The following KCTD8 variants were observed in gnomAD, a reference collection of about 807,000 sequenced individuals.
KCTD8 encodes the protein BTB/POZ domain-containing protein KCTD8.
In KCTD8, 27 loss-of-function variants were observed where a neutral mutation model predicts 31.5. The ratio of observed to expected loss-of-function variants is 0.86; its 90% CI spans 0.63 to 1.18. The LOEUF (loss-of-function observed/expected upper bound fraction) is 1.18, where lower values mean the gene tolerates loss of function less well. Ranked by LOEUF, KCTD8 falls within the 50% of genes most tolerant of loss-of-function variation. The pLI is 0.00. For missense variants in KCTD8, 658 were observed against 647.7 expected, an observed-to-expected ratio of 1.02 and a Z score of -0.17; for synonymous variants, 290 against 280.0, an observed-to-expected ratio of 1.04 and a Z score of -0.36.
At chr4:44,272,928 T>C (rs1301927544) in intron 1 of KCTD8, among the ~76,000 whole-genome samples, 2 of 152,006 alleles carry the variant, frequency 1.3e-5, no homozygotes, top group African/African-American at 4.8e-5. Flanking sequence ...TTGTTGATAG[T>C]TCCAAAAAGA....
chr4:44,231,746 A>C (rs1055562229), intron 1 of KCTD8, among the ~76,000 whole-genome samples: 6 of 152,072 alleles, frequency 3.9e-5, no homozygotes, highest in Admixed American at 3.9e-4. Flanking sequence ...CCTATGAAGA[A>C]ATTTTTCTGG....
chr4:44,401,011 CTTTTTTTTTT>C (rs59602420), intron 1 of KCTD8, among the ~76,000 whole-genome samples: 1 of 95,916 alleles, frequency 1.0e-5, no homozygotes, highest in Non-Finnish European at 2.0e-5. Flanking sequence ...AATTTTCTTT[CTTTTTTTTTT>C]TTTTTTTTTT....
At chr4:44,227,910 T>C (rs1715010837) in intron 1 of KCTD8, among the ~76,000 whole-genome samples, 1 of 152,238 alleles carries the variant, frequency 6.6e-6, no homozygotes, top group South Asian at 2.1e-4. Flanking sequence ...TTCATACTCC[T>C]GTCATTCTTG....
chr4:44,323,031 T>G (rs1212514740), intron 1 of KCTD8, among the ~76,000 whole-genome samples: 1 of 152,038 alleles, frequency 6.6e-6, no homozygotes, highest in African/African-American at 2.4e-5. Context: ...TACCTCCAGC[T>G]TCGTTCTTTT....
At chr4:44,366,306 G>C (rs1719634928) in intron 1 of KCTD8, among the ~76,000 whole-genome samples, 1 of 152,164 alleles carries the variant, frequency 6.6e-6, no homozygotes, top group South Asian at 2.1e-4. Context: ...GTGTTAGGGA[G>C]GGACCTGATG....
Position 44,448,484 on chromosome 4 carries a change from G to T in KCTD8, c.40C>A (p.Leu14Met). 1 of 1,514,678 alleles carries T rather than the reference G, an allele frequency of 6.6e-7. No homozygotes were observed. The highest frequency in any genetic ancestry group is 8.8e-7 in the Non-Finnish European group (1 of 1,137,594). 93.8% of individuals were successfully genotyped at this position (1,514,678 alleles called of 1,614,324 possible). Reference sequence around the variant, plus strand: ...GAGGAAACCATCTCGCTAATGGGCAGGATGGTGCTGCCGCCGCTGCCCGTG... The same window carrying T: ...GAGGAAACCATCTCGCTAATGGGCATGATGGTGCTGCCGCCGCTGCCCGTG... ...KDTGSGGSTILPISEMVSSSS... is the reference protein window; with the variant it reads ...KDTGSGGSTIMPISEMVSSSS... The change falls in exon 1 of 2, where the codon CTG (leucine) becomes ATG (methionine). Residue 14 changes from leucine (L) to methionine (M), a missense_variant. Physicochemically the swap from Leu to Met is conservative, Grantham distance 15 (BLOSUM62 2). Coordinates refer to ENST00000360029, the MANE Select transcript of KCTD8 (RefSeq NM_198353.3). The surrounding 1 kb of genome is among the most constrained non-coding windows in gnomAD (Gnocchi z 4.1).
chr4:44,424,158 C>T (rs865959877), intron 1 of KCTD8, among the ~76,000 whole-genome samples: 1 of 151,988 alleles, frequency 6.6e-6, no homozygotes, highest in East Asian at 1.9e-4. Flanking sequence ...AACGGGGTGA[C>T]AATGTTTACC....
chr4:44,236,256 A>C (rs2109355052), intron 1 of KCTD8, among the ~76,000 whole-genome samples: 1 of 152,186 alleles, frequency 6.6e-6, no homozygotes, highest in South Asian at 2.1e-4. Context: ...TCCTACCAAA[A>C]GCTAGGGGGA....
At chr4:44,239,663 T>C (rs927104167) in intron 1 of KCTD8, among the ~76,000 whole-genome samples, 2 of 152,192 alleles carry the variant, frequency 1.3e-5, no homozygotes, top group African/African-American at 4.8e-5. Flanking sequence ...TCCCTACCCA[T>C]TTGACACTTC....
chr4:44,327,132 A>G (rs1035856464), intron 1 of KCTD8, among the ~76,000 whole-genome samples: 6 of 151,972 alleles, frequency 3.9e-5, no homozygotes, highest in Non-Finnish European at 8.8e-5. Context: ...TGAAACATAT[A>G]AAGTCAGAGG....
intron 1 of KCTD8, among the ~76,000 whole-genome samples, chr4:44,193,104 A>C (rs187326855): frequency 2.6e-5 from 4 of 152,220 alleles, no homozygotes; most frequent in African/African-American, 9.6e-5. Flanking sequence ...CCACTAGTTG[A>C]AAAAGATAAT....
chr4:44,184,296 A>G (rs1403418017), intron 1 of KCTD8, among the ~76,000 whole-genome samples: 2 of 152,216 alleles, frequency 1.3e-5, no homozygotes, highest in African/African-American at 4.8e-5. Flanking sequence ...CATAGAGGAG[A>G]CGTCTTCATC....
At chr4:44,182,596 C>T (rs531836993) in intron 1 of KCTD8, among the ~76,000 whole-genome samples, 1 of 152,008 alleles carries the variant, frequency 6.6e-6, no homozygotes, top group Non-Finnish European at 1.5e-5. Context: ...GCAGCATGCT[C>T]GTTAAGAGTC....
At chr4:44,388,791 C>A (rs957866679) in intron 1 of KCTD8, among the ~76,000 whole-genome samples, 2 of 151,734 alleles carry the variant, frequency 1.3e-5, no homozygotes, top group Non-Finnish European at 2.9e-5. Context: ...ATCTGCACAA[C>A]AAACCCCTAT....
chr4:44,402,516 T>TAAACCACTACGTGAATTTAGCC (rs1427857281), intron 1 of KCTD8, among the ~76,000 whole-genome samples: 2 of 152,156 alleles, frequency 1.3e-5, no homozygotes, highest in Non-Finnish European at 2.9e-5. Flanking sequence ...AGTGCCCCCA[T>TAAACCACTACGTGAATTTAGCC]AAACCACTAC....
At chr4:44,402,691 T>C (rs1720694753) in intron 1 of KCTD8, among the ~76,000 whole-genome samples, 3 of 152,340 alleles carry the variant, frequency 2.0e-5, no homozygotes, top group South Asian at 2.1e-4. Context: ...GTGGTTATCA[T>C]TGCTATCATT....
At chr4:44,266,837 G>C (rs1716385582) in intron 1 of KCTD8, among the ~76,000 whole-genome samples, 1 of 151,932 alleles carries the variant, frequency 6.6e-6, no homozygotes, top group Non-Finnish European at 1.5e-5. Flanking sequence ...TCAACAAGAA[G>C]AGCTAACTAT....
intron 1 of KCTD8, among the ~76,000 whole-genome samples, chr4:44,297,690 C>A (rs1212548292): frequency 6.6e-6 from 1 of 152,032 alleles, no homozygotes; most frequent in Non-Finnish European, 1.5e-5. Context: ...TTCAAAATCC[C>A]AAATAGAGAT....
intron 1 of KCTD8, among the ~76,000 whole-genome samples, chr4:44,211,401 G>T (rs1439542348): frequency 1.3e-5 from 2 of 151,972 alleles, no homozygotes; most frequent in Non-Finnish European, 2.9e-5. Context: ...TCTGGTCTGG[G>T]TTTTTTTGTA....
Sources: gnomAD v4.1 joint callset for allele counts (sites outside exome capture counted in the v4.1 genomes callset) on GRCh38, gnomAD v4.1.1 for gene constraint, Gnocchi (gnomAD v3.1) non-coding constraint, MANE v1.5 for transcripts, NCBI Gene and HGNC (gene_info 2026-07-23, HGNC 2026-07-21) for gene names.